The following COPG2 variants were observed in gnomAD, a reference collection of about 807,000 sequenced individuals.
COPG2 encodes the protein coat protein complex I subunit gamma 2, also known as coatomer subunit gamma-2.
Under a neutral mutation model 46.3 loss-of-function variants are expected in COPG2, and 37 were observed. The observed-to-expected ratio is 0.80, with a 90% CI of 0.61 to 1.05. The LOEUF (loss-of-function observed/expected upper bound fraction) is 1.05, where lower values mean the gene tolerates loss of function less well. Among genes scored for constraint, COPG2 ranks in the 50% least tolerant of loss-of-function variants. The pLI is 0.00. For synonymous variants in COPG2, 159 were observed against 129.7 expected (o/e 1.23, Z -1.53); for missense variants, 427 against 387.8 (o/e 1.10, Z -0.85).
At chr7:130,635,195 G>T (rs1554455922) in intron 5 of COPG2, among the ~76,000 whole-genome samples, 2 of 151,908 alleles carry the variant, frequency 1.3e-5, no homozygotes, top group Admixed American at 6.6e-5. Context: ...TCTCTGCCAG[G>T]TTTTGGTATC....
chr7:130,591,748 C>T (rs1286974380), intron 9 of COPG2, among the ~76,000 whole-genome samples: 4 of 144,628 alleles, frequency 2.8e-5, no homozygotes, highest in African/African-American at 8.0e-5. Context: ...GCCCCCCGCC[C>T]GGCCAGCCAC....
intron 5 of COPG2, among the ~76,000 whole-genome samples, chr7:130,619,277 A>G (rs949974908): frequency 6.6e-6 from 1 of 152,318 alleles, no homozygotes; most frequent in East Asian, 1.9e-4. Context: ...CAAAAGTTCA[A>G]TTAATGTTCA....
At position 130,548,443 on chromosome 7, in the gene COPG2, C is replaced by T. The variant is rs901761552; in HGVS notation, c.1937G>A (p.Arg646Gln). ...ATTGGTAAACATGTGCTTGATACAT[C>T]GAACAAAATATTCTGTCTCTGCTTC... Reference protein sequence around the residue: ...LTEAETEYFVRCIKHMFTNHI... With the variant: ...LTEAETEYFVQCIKHMFTNHI... The change falls in exon 19 of 24, where the codon CGA becomes CAA. Residue 646 changes from arginine to glutamine, a missense_variant. By Grantham distance (43) the Arg-to-Gln change is conservative (BLOSUM62 1). Coordinates refer to ENST00000425248, the MANE Select transcript of COPG2 (RefSeq NM_012133.6). 10 of 398,466 alleles carry T rather than the reference C, an allele frequency of 2.5e-5. No individual in the cohort carries two copies. The highest frequency in any genetic ancestry group is 6.2e-4 in the Middle Eastern group (1 of 1,610). 24.7% of individuals were successfully genotyped at this position (398,466 alleles called of 1,614,324 possible).
At position 130,666,933 on chromosome 7, in the gene COPG2, T is replaced by A. The variant is rs1156264383; in HGVS notation, c.91-4A>T. On this transcript the variant is annotated splice_polypyrimidine_tract_variant and splice_region_variant and intron_variant, in intron 2 of 23. Coordinates refer to ENST00000425248, the MANE Select transcript of COPG2 (RefSeq NM_012133.6). Reference sequence around the variant, plus strand: ...GAGTTTCATTGAATATACGAGCCTATGAAAAAACATAAAAAACATTGCTAC... The same window carrying A: ...GAGTTTCATTGAATATACGAGCCTAAGAAAAAACATAAAAAACATTGCTAC... 6.6e-7 allele frequency: 1 copy of A among 1,504,526 alleles called. No homozygotes were observed. Among genetic ancestry groups the A allele is most frequent in the Non-Finnish European group, 9.1e-7 (1 of 1,104,312 alleles). 93.2% of individuals were successfully genotyped at this position (1,504,526 alleles called of 1,614,324 possible).
intron 9 of COPG2, among the ~76,000 whole-genome samples, chr7:130,572,134 G>C (rs192664572): frequency 1.8e-4 from 27 of 151,950 alleles, no homozygotes; most frequent in Admixed American, 1.8e-3. Context: ...CTACACATTG[G>C]GTATAGTGTA....
chr7:130,568,854 C>A (rs1190780325), intron 9 of COPG2, among the ~76,000 whole-genome samples: 2 of 151,586 alleles, frequency 1.3e-5, no homozygotes, highest in Admixed American at 1.3e-4. Flanking sequence ...AAAATTATAC[C>A]AAGTACACTC....
At position 130,652,963 on chromosome 7, in the gene COPG2, A is replaced by T; in HGVS notation, c.244-15T>A. ...CTCAATGTTTGCTGAAAAATCATTT[A>T]TAAAAGGTAACAGATTATTGATTAG... On this transcript the variant is annotated splice_polypyrimidine_tract_variant and intron_variant, in intron 4 of 23. Transcript: ENST00000425248. 1.3e-6 allele frequency: 2 copies of T among 1,534,638 alleles called. No homozygotes were observed. The highest frequency in any genetic ancestry group is 1.8e-6 in the Non-Finnish European group (2 of 1,116,644).
At chr7:130,630,199 C>T (rs1221886287) in intron 5 of COPG2, among the ~76,000 whole-genome samples, 12 of 152,130 alleles carry the variant, frequency 7.9e-5, no homozygotes, top group Admixed American at 6.5e-4. Flanking sequence ...GTTTGAGCCA[C>T]CGCACCCGGC....
intron 9 of COPG2, chr7:130,607,451 T>C: frequency 2.2e-6 from 1 of 445,136 alleles, no homozygotes; most frequent in Admixed American, 2.6e-5. Context: ...TTAAACATTG[T>C]AATGATATAC....
At chr7:130,531,571 C>T (rs958716534) in intron 20 of COPG2, among the ~76,000 whole-genome samples, 1 of 151,890 alleles carries the variant, frequency 6.6e-6, no homozygotes, top group East Asian at 1.9e-4. Flanking sequence ...GTGGGAGGCA[C>T]TGAAAGAACA....
chr7:130,506,889 C>CTCCTT, intron 23 of COPG2, 83 bp from the exon 24 acceptor site: 1 of 665,776 alleles, frequency 1.5e-6, no homozygotes, highest in South Asian at 1.8e-5. Flanking sequence ...ATCCCTGCAT[C>CTCCTT]TCCTTTCTAT....
intron 3 of COPG2, among the ~76,000 whole-genome samples, chr7:130,663,516 C>A (rs1796017749): frequency 6.6e-6 from 1 of 151,850 alleles, no homozygotes; most frequent in Non-Finnish European, 1.5e-5. Context: ...AGAAGGGGAC[C>A]AACCAAAAGG....
chr7:130,627,539 T>C lies in COPG2; in HGVS notation c.324-10474A>G, dbSNP rs575662532. Among the ~76,000 whole-genome samples the C allele has an allele frequency of 7.6e-4, 115 of 152,280 alleles. 3 individuals carry two copies. The South Asian group carries it at 0.023, about 31-fold the overall frequency. On this transcript the variant is annotated intron_variant, in intron 5 of 23. Coordinates refer to ENST00000425248, the MANE Select transcript of COPG2 (RefSeq NM_012133.6). The stretch of plus-strand genomic sequence containing the variant: ...TCTTGCTGACTGGGCCATTGCACCC[T>C]AGCAACATGTTTCCACTTTTTTAAA...
chr7:130,624,558 C>T (rs1795087334), intron 5 of COPG2, among the ~76,000 whole-genome samples: 1 of 151,936 alleles, frequency 6.6e-6, no homozygotes, highest in Non-Finnish European at 1.5e-5. Context: ...GTCTTTTATC[C>T]CTCACCCCCT....
At chr7:130,638,569 C>T (rs193009171) in intron 5 of COPG2, among the ~76,000 whole-genome samples, 453 of 152,170 alleles carry the variant, frequency 3.0e-3, no homozygotes, top group Middle Eastern at 6.8e-3. Context: ...GGCAGACACC[C>T]CTCCCCCCAC....
At chr7:130,653,093 C>A in intron 4 of COPG2, 145 bp from the exon 5 acceptor site, 1 of 591,288 alleles carries the variant, frequency 1.7e-6, no homozygotes, top group South Asian at 2.3e-5. Flanking sequence ...AAATTAATAT[C>A]TGGGTGAGAA....
intron 9 of COPG2, among the ~76,000 whole-genome samples, chr7:130,565,442 G>T (rs1341235212): frequency 6.6e-6 from 1 of 152,188 alleles, no homozygotes; most frequent in Non-Finnish European, 1.5e-5. Flanking sequence ...AAACCCCAGG[G>T]ATAGGGAAAG....
chr7:130,646,467 T>C (rs188838373), intron 5 of COPG2, among the ~76,000 whole-genome samples: 1 of 146,040 alleles, frequency 6.8e-6, no homozygotes, highest in East Asian at 1.9e-4. Context: ...TTTAGCAGAA[T>C]TGATGTTGCT....
intron 6 of COPG2, 117 bp from the exon 7 acceptor site, chr7:130,613,753 C>T (rs1327504407): frequency 1.4e-6 from 1 of 690,710 alleles, no homozygotes; most frequent in African/African-American, 1.8e-5. Context: ...TGCAAATATT[C>T]AGAATGCACT....
Sources: allele counts gnomAD v4.1 joint callset (sites outside exome capture counted in the v4.1 genomes callset), GRCh38; gene constraint gnomAD v4.1.1; transcripts MANE v1.5; gene names NCBI Gene and HGNC (gene_info 2026-07-23, HGNC 2026-07-21).